The following HMX1 variants were observed in gnomAD, a reference collection of about 807,000 sequenced individuals.
HMX1 encodes homeobox protein HMX1.
In HMX1, 8 loss-of-function variants were observed where a neutral mutation model predicts 8.9. That is an observed-to-expected ratio of 0.90 (90% CI 0.53 to 1.63). HMX1 has a LOEUF of 1.63. Among genes scored for constraint, HMX1 ranks in the 40% most tolerant of loss-of-function variants. HMX1 has a pLI of 0.00. For synonymous variants in HMX1, 311 were observed against 283.4 expected (o/e 1.10, Z -0.98); for missense variants, 621 against 558.5 (o/e 1.11, Z -1.13).
Position 8,870,004 on chromosome 4 carries a change from G to C in HMX1, c.394+1217C>G, listed in dbSNP as rs900499461. On this transcript the variant is annotated intron_variant, in intron 1 of 1. Coordinates refer to ENST00000400677, the MANE Select transcript of HMX1 (RefSeq NM_018942.3). This position sits in a 1 kb window ranked among gnomAD's most constrained non-coding sequence, Gnocchi z 4.4. ...GCTCAAGTCTACGTGAAGGGGGTGG[G>C]GGCCTAGACTTCCTGAGTGTGGGTG... Among the ~76,000 whole-genome samples, 1 of 152,160 alleles carries C rather than the reference G, an allele frequency of 6.6e-6. No individual in the cohort carries two copies. The highest frequency in any genetic ancestry group is 1.5e-5 in the Non-Finnish European group (1 of 68,030).
rs747842201 is a variant in HMX1 at position 8,849,740 on chromosome 4, T to G, written c.395-3416A>C. On this transcript the variant is annotated intron_variant, in intron 1 of 1. Transcript: ENST00000506970. This position sits in a 1 kb window ranked among gnomAD's most constrained non-coding sequence, Gnocchi z 6.6. ...GGTTTTTCTCCCTCTCTTCCAATCCTCTGCCCTTGCTGGGTAGGGCAGGAA... is the reference window on the plus strand; with the variant it reads ...GGTTTTTCTCCCTCTCTTCCAATCCGCTGCCCTTGCTGGGTAGGGCAGGAA... 7.9e-5 allele frequency among the ~76,000 whole-genome samples: 12 copies of G among 152,170 alleles called. No individual in the cohort carries two copies. Among genetic ancestry groups the G allele is most frequent in the Non-Finnish European group, 1.5e-4 (10 of 68,030 alleles).
Position 8,870,448 on chromosome 4 carries a change from CAAG to C in HMX1, c.394+770_394+772del, listed in dbSNP as rs1253068224. Among the ~76,000 whole-genome samples the C allele has an allele frequency of 6.6e-6, 1 of 151,684 alleles. No homozygotes were observed. The highest frequency in any genetic ancestry group is 2.4e-5 in the African/African-American group (1 of 41,264). On this transcript the variant is annotated intron_variant, in intron 1 of 1. Coordinates refer to ENST00000400677, the MANE Select transcript of HMX1 (RefSeq NM_018942.3). The surrounding 1 kb of genome is among the most constrained non-coding windows in gnomAD (Gnocchi z 4.4). ...TCAAGCCCTCAGCAGGGAACAAAGG[CAAG>C]GAGGGGGAGGGGCAGAAAAAGAAGA... is the stretch of plus-strand genomic sequence containing the variant.
intron 1 of HMX1, among the ~76,000 whole-genome samples, chr4:8,857,944 G>C (rs1721666835): frequency 6.6e-6 from 1 of 152,132 alleles, no homozygotes; most frequent in Non-Finnish European, 1.5e-5. Context: ...GTAGGGCTTC[G>C]GGCGCTCGGG....
chr4:8,867,988 A>AAG lies in HMX1; in HGVS notation c.751_752insCT (p.Phe251SerfsTer160). 6.5e-7 allele frequency: 1 copy of AAG among 1,535,040 alleles called. No individual in the cohort carries two copies. ...CTTCCACTTGTTGCGGCGGTTCTGG[A>AAG]ACCAGATCTTAACCTGCGTCTCGGT... On this transcript the variant is annotated frameshift_variant, in exon 2 of 2. Transcript: ENST00000400677. LOFTEE classifies it low-confidence loss of function (END_TRUNC).
At position 8,871,089 on chromosome 4, in the gene HMX1, C is replaced by T; in HGVS notation, c.394+132G>A. On this transcript the variant is annotated intron_variant, in intron 1 of 1. Transcript: ENST00000400677. This position sits in a 1 kb window ranked among gnomAD's most constrained non-coding sequence, Gnocchi z 4.8. ...AGGGGCTCCTGGGGGCCCCACAAGG[C>T]CCAGACGCCGTTCCACAGAAGGGAG... The T allele has an allele frequency of 9.5e-7, 1 of 1,054,850 alleles. No individual in the cohort carries two copies. Among genetic ancestry groups the T allele is most frequent in the Non-Finnish European group, 1.2e-6 (1 of 823,838 alleles). 65.3% of individuals were successfully genotyped at this position (1,054,850 alleles called of 1,614,324 possible).
intron 1 of HMX1, among the ~76,000 whole-genome samples, chr4:8,857,662 G>C (rs371979604): frequency 2.0e-5 from 3 of 152,194 alleles, no homozygotes; most frequent in South Asian, 4.1e-4. Flanking sequence ...CTTCCGGATC[G>C]TTCCGCCGTT....
At chr4:8,857,143 G>A (rs1721631436) in intron 1 of HMX1, among the ~76,000 whole-genome samples, 1 of 152,232 alleles carries the variant, frequency 6.6e-6, no homozygotes, top group Admixed American at 6.5e-5. Context: ...TTTGTTTTCA[G>A]TGCTTGTAAT....
Position 8,868,012 on chromosome 4 carries a change from G to T in HMX1, c.728C>A (p.Thr243Asn). Residue 243 changes from threonine (T) to asparagine (N), a missense_variant, in exon 2 of 2, where the codon ACC (threonine) becomes AAC (asparagine). Coordinates refer to ENST00000400677, the MANE Select transcript of HMX1 (RefSeq NM_018942.3). The surrounding 1 kb of genome is among the most constrained non-coding windows in gnomAD (Gnocchi z 4.6). ...GAACCAGATCTTAACCTGCGTCTCG[G>T]TGAGCTGCAGGGAGGCGGCCAGGCC... is the stretch of plus-strand genomic sequence containing the variant. ...RAGLAASLQL[T>N]ETQVKIWFQN... is the part of the protein sequence containing the mutation. 1 of 1,544,634 alleles carries T rather than the reference G, an allele frequency of 6.5e-7. No homozygotes were observed. Among genetic ancestry groups the T allele is most frequent in the Non-Finnish European group, 8.7e-7 (1 of 1,146,042 alleles).
At chr4:8,869,210 G>C (rs1171160457) in intron 1 of HMX1, among the ~76,000 whole-genome samples, 1 of 152,214 alleles carries the variant, frequency 6.6e-6, no homozygotes, top group Non-Finnish European at 1.5e-5. Flanking sequence ...CAAGTACCAA[G>C]CTCCCCTACT....
Position 8,858,922 on chromosome 4 carries a change from T to TG in HMX1, c.394+12298dup, listed in dbSNP as rs1204709447. ...TCTCTTCGTCACGCGGTGGTGGTGG[T>TG]GGTGGGGGGTGCAATAGCCCCTCTG... On this transcript the variant is annotated intron_variant, in intron 1 of 1. Coordinates refer to the HMX1 transcript ENST00000506970. 1.4e-3 allele frequency: 214 copies of TG among 152,270 alleles called. 1 individual carries two copies. The highest frequency in any genetic ancestry group is 4.9e-3 in the African/African-American group (203 of 41,462). 9.4% of individuals were successfully genotyped at this position (152,270 alleles called of 1,614,324 possible). A position where few individuals can be genotyped will look rare whatever the true frequency, so the allele number is the denominator to read the frequency against.
chr4:8,869,661 C>T (rs907735748), intron 1 of HMX1, among the ~76,000 whole-genome samples: 2 of 152,178 alleles, frequency 1.3e-5, no homozygotes, highest in African/African-American at 4.8e-5. Flanking sequence ...ACAGGGGAGT[C>T]AGGCAGCAGG....
intron 1 of HMX1, among the ~76,000 whole-genome samples, chr4:8,861,049 C>T (rs1004574588): frequency 6.6e-6 from 1 of 151,566 alleles, no homozygotes; most frequent in Middle Eastern, 3.2e-3. Context: ...AGGTCCCGGG[C>T]GGCCGGAGAC....
At chr4:8,863,765 C>CGGTGGGACCACCTAGGGGAAATGG (rs1404235191), downstream of HMX1, among the ~76,000 whole-genome samples, 1 of 152,252 alleles carries the variant, frequency 6.6e-6, no homozygotes, top group Admixed American at 6.5e-5. Flanking sequence ...TGGCCAAGGG[C>CGGTGGGACCACCTAGGGGAAATGG]GGTGGGACCA....
intron 1 of HMX1, among the ~76,000 whole-genome samples, chr4:8,852,339 C>T (rs544560193): frequency 4.6e-5 from 7 of 152,216 alleles, no homozygotes; most frequent in Admixed American, 1.3e-4. Context: ...TGCTCCACTG[C>T]ACTTTGTCAC....
rs1722055646 is a variant in HMX1 at position 8,867,774 on chromosome 4, C to A, written c.966G>T (p.Gly322=). The A allele has an allele frequency of 2.4e-6, 3 of 1,270,480 alleles. No homozygotes were observed. The highest frequency in any genetic ancestry group is 9.9e-7 in the Non-Finnish European group (1 of 1,012,692). The allele number at this position is 1,270,480 out of a possible 1,614,324, so 78.7% of individuals were successfully genotyped here. Residue 322 remains glycine, a synonymous_variant, in exon 2 of 2, where the codon GGG becomes GGT. Coordinates refer to ENST00000400677, the MANE Select transcript of HMX1 (RefSeq NM_018942.3). ...AGGCGGCCAGCGGGTAGGCGAGGGC[C>A]CCGGAGAAGCCGAGCAGCGGTGGGG... ...APPPPLLGFS[G]ALAYPLAAFP...
intron 1 of HMX1, chr4:8,846,451 A>T (rs1721280290): frequency 2.9e-6 from 2 of 688,048 alleles, no homozygotes; most frequent in East Asian, 5.7e-5. Flanking sequence ...AGTGGTCTCC[A>T]AACTACAGGG....
intron 1 of HMX1, among the ~76,000 whole-genome samples, chr4:8,855,591 G>A (rs551540952): frequency 6.6e-6 from 1 of 152,180 alleles, no homozygotes; most frequent in African/African-American, 2.4e-5. Context: ...GGTCCAGAAG[G>A]TTCTCTCACC....
At position 8,846,927 on chromosome 4, in the gene HMX1, A is replaced by T. The variant is rs148168571; in HGVS notation, c.395-603T>A. Among the ~76,000 whole-genome samples the T allele has an allele frequency of 2.0e-5, 3 of 152,232 alleles. No individual in the cohort carries two copies. In the East Asian group the frequency reaches 5.8e-4, roughly 29 times the overall value. On this transcript the variant is annotated intron_variant, in intron 1 of 1. Coordinates refer to the HMX1 transcript ENST00000506970. ...GTTTTAGTGCTTCTTTTTAGCCCAC[A>T]TTTTAATCAGTGGCCACTGTCAGGC...
At chr4:8,855,560 AG>A (rs2109457848) in intron 1 of HMX1, among the ~76,000 whole-genome samples, 1 of 152,292 alleles carries the variant, frequency 6.6e-6, no homozygotes, top group Non-Finnish European at 1.5e-5. Flanking sequence ...GTGACCCACC[AG>A]GTGCAAGAGT....
Sources: gnomAD v4.1 joint callset for allele counts (sites outside exome capture counted in the v4.1 genomes callset) on GRCh38, gnomAD v4.1.1 for gene constraint, Gnocchi (gnomAD v3.1) non-coding constraint, MANE v1.5 for transcripts, NCBI Gene and HGNC (gene_info 2026-07-23, HGNC 2026-07-21) for gene names.